TEDC2: variants seen among roughly 807,000 people sequenced by gnomAD.
The protein encoded by TEDC2 is tubulin epsilon and delta complex 2, also known as tubulin epsilon and delta complex protein 2.
Under a neutral mutation model 48.1 loss-of-function variants are expected in TEDC2, and 49 were observed. The ratio of observed to expected loss-of-function variants is 1.02; its 90% CI spans 0.81 to 1.29. TEDC2 has a LOEUF of 1.29. Among genes scored for constraint, TEDC2 ranks in the 50% most tolerant of loss-of-function variants. The pLI is 0.00. For missense variants in TEDC2, 631 were observed against 571.4 expected (o/e 1.10, Z -1.06); for synonymous variants, 299 against 247.1 (o/e 1.21, Z -1.97).
In TEDC2 at chr16:2,461,860, C is replaced by T. The variant is rs368910186; in HGVS notation, c.659+60C>T. ...GGAGAACCGGGAGGCATCACCAGCT[C>T]GGGGACAGGTTCGAGATACTTTCCA... On this transcript the variant is annotated intron_variant, in intron 5 of 9. Coordinates refer to ENST00000361837, the MANE Select transcript of TEDC2 (RefSeq NM_025108.3). The T allele has an allele frequency of 4.9e-4, 779 of 1,587,906 alleles. 2 individuals carry two copies. Among genetic ancestry groups the T allele is most frequent in the Non-Finnish European group, 6.1e-4 (709 of 1,157,186 alleles).
Position 2,460,609 on chromosome 16 carries a change from C to T in TEDC2, c.126-14C>T. 1 of 1,612,622 alleles carries T rather than the reference C, an allele frequency of 6.2e-7. No homozygotes were observed. Among genetic ancestry groups the T allele is most frequent in the South Asian group, 1.1e-5 (1 of 91,052 alleles). On this transcript the variant is annotated splice_polypyrimidine_tract_variant and intron_variant, in intron 2 of 9. Coordinates refer to ENST00000361837, the MANE Select transcript of TEDC2 (RefSeq NM_025108.3). ...TGCCTCCTGGCCGTGCGACGGCTGCCCGTGTCTTTGCAGGGAACCAACTGG... is the reference window on the plus strand; with the variant it reads ...TGCCTCCTGGCCGTGCGACGGCTGCTCGTGTCTTTGCAGGGAACCAACTGG...
chr16:2,461,610 AG>A, intron 4 of TEDC2, 136 bp from the exon 5 acceptor site: 2 of 1,040,160 alleles, frequency 1.9e-6, no homozygotes, highest in East Asian at 2.5e-5. Context: ...GCCCTATCCA[AG>A]GGGGCTCATC....
chr16:2,463,855 A>G (rs1162884326), intron 8 of TEDC2, 184 bp from the exon 9 acceptor site: 2 of 630,192 alleles, frequency 3.2e-6, no homozygotes, highest in Admixed American at 3.1e-5. Context: ...GCCACCCCAC[A>G]GAGGACTCCC....
Position 2,464,846 on chromosome 16 carries a change from C to T in TEDC2, c.*178C>T. 1 of 881,732 alleles carries T rather than the reference C, an allele frequency of 1.1e-6. No homozygotes were observed. The highest frequency in any genetic ancestry group is 1.8e-5 in the South Asian group (1 of 56,608). The allele number at this position is 881,732 out of a possible 1,614,324, so 54.6% of individuals were successfully genotyped here. A position where few individuals can be genotyped will look rare whatever the true frequency, so the allele number is the denominator to read the frequency against. On this transcript the variant is annotated 3_prime_UTR_variant, in exon 10 of 10. Coordinates refer to ENST00000361837, the MANE Select transcript of TEDC2 (RefSeq NM_025108.3). Reference sequence around the variant, plus strand: ...CCTGCTGGTCAGGGCTGGCTTTCAGCCTTCCTAAGGCTCCTGGACTCCAGA... The same window carrying T: ...CCTGCTGGTCAGGGCTGGCTTTCAGTCTTCCTAAGGCTCCTGGACTCCAGA...
rs1182164957 is a variant in TEDC2, at chr16:2,460,131, A to T, written c.-14A>T. On this transcript the variant is annotated 5_prime_UTR_variant, in exon 1 of 10. Transcript: ENST00000361837. ...TTCAGAGGCGGCAAATTGCAAGGAG[A>T]CGCCGCCGCCTTCATGCTGCCGGCG... The T allele has an allele frequency of 7.7e-7, 1 of 1,306,160 alleles. No homozygotes were observed. The highest frequency in any genetic ancestry group is 4.3e-5 in the Admixed American group (1 of 23,072). 80.9% of individuals were successfully genotyped at this position (1,306,160 alleles called of 1,614,324 possible). A position where few individuals can be genotyped will look rare whatever the true frequency, so the allele number is the denominator to read the frequency against.
chr16:2,460,356 G>C lies in TEDC2; in HGVS notation c.100G>C (p.Val34Leu). 1.3e-6 allele frequency: 2 copies of C among 1,544,368 alleles called. No homozygotes were observed. Among genetic ancestry groups the C allele is most frequent in the Non-Finnish European group, 1.7e-6 (2 of 1,146,198 alleles). ...RQLQLEQSLR[V>L]CRRLLHAWEP... is the part of the protein sequence containing the mutation. ...ATTGCAATTGGAGCAGAGCCTGCGC[G>C]TTTGCCGTCGGCTGCTGCATGCCTG... The change falls in exon 2 of 10, where the codon GTT becomes CTT. Residue 34 changes from valine (V) to leucine (L), a missense_variant. By Grantham distance (32) the Val-to-Leu change is conservative. Coordinates refer to ENST00000361837, the MANE Select transcript of TEDC2 (RefSeq NM_025108.3).
At position 2,460,696 on chromosome 16, in the gene TEDC2, A is replaced by T; in HGVS notation, c.196+3A>T. On this transcript the variant is annotated splice_donor_region_variant and intron_variant, in intron 3 of 9. Coordinates refer to ENST00000361837, the MANE Select transcript of TEDC2 (RefSeq NM_025108.3). ...TAATGGAGAGGACCCCCTTCCAGGT[A>T]AACCTCCACCACCCGCCTTCTCCAG... is the stretch of plus-strand genomic sequence containing the variant. 6.2e-7 allele frequency: 1 copy of T among 1,613,068 alleles called. No individual in the cohort carries two copies. Among genetic ancestry groups the T allele is most frequent in the South Asian group, 1.1e-5 (1 of 91,088 alleles).
At chr16:2,463,960 G>T in intron 8 of TEDC2, 79 bp from the exon 9 acceptor site, 2 of 1,458,882 alleles carry the variant, frequency 1.4e-6, no homozygotes, top group South Asian at 1.3e-5. Flanking sequence ...GTGCAGATGC[G>T]GGAGGGCCAG....
rs774756619 is a variant in TEDC2, at chr16:2,464,270, C to T, written c.1155+41C>T. 4 of 1,591,900 alleles carry T rather than the reference C, an allele frequency of 2.5e-6. No individual in the cohort carries two copies. In the South Asian group the frequency reaches 3.4e-5, roughly 13 times the overall value. On this transcript the variant is annotated intron_variant, in intron 9 of 9. Transcript: ENST00000361837. ...GAGGTGGGGGTGCAACAGAGGTCCG[C>T]AGCCTTGAGGACCCGAGGGTAGGGG...
rs1567397030 is a variant in TEDC2, at chr16:2,464,641, C to T, written c.1275C>T (p.Thr425=). 6.2e-7 allele frequency: 1 copy of T among 1,612,904 alleles called. No individual in the cohort carries two copies. Among genetic ancestry groups the T allele is most frequent in the Non-Finnish European group, 8.5e-7 (1 of 1,179,996 alleles). The change falls in exon 10 of 10, where the codon ACC becomes ACT. Residue 425 remains threonine (T), a synonymous_variant. Transcript: ENST00000361837. The part of the protein sequence containing the change: ...LLCEGGARVL[T]ILRDEPAV ...GCGAGGGAGGAGCACGTGTCCTTAC[C>T]ATCCTGCGGGATGAACCTGCAGTCT...
chr16:2,463,320 CAGAAAA>C (rs1393178553), intron 8 of TEDC2, among the ~76,000 whole-genome samples: 1 of 147,236 alleles, frequency 6.8e-6, no homozygotes, highest in Admixed American at 6.8e-5. Flanking sequence ...GATGCCGTCT[CAGAAAA>C]AGAAAAAGTA....
rs562733337 is a variant in TEDC2 at position 2,461,644 on chromosome 16, G to A, written c.606-103G>A. On this transcript the variant is annotated intron_variant, in intron 4 of 9. Coordinates refer to ENST00000361837, the MANE Select transcript of TEDC2 (RefSeq NM_025108.3). ...ATCCTTGGTGGGGTCGGGTGTGGGAGAGGGGCAAGAAGCCTCATCCCTGAT... is the reference window on the plus strand; with the variant it reads ...ATCCTTGGTGGGGTCGGGTGTGGGAAAGGGGCAAGAAGCCTCATCCCTGAT... The A allele has an allele frequency of 3.5e-6, 5 of 1,415,180 alleles. No individual in the cohort carries two copies. In the East Asian group the frequency reaches 6.9e-5, roughly 20 times the overall value. 87.7% of individuals were successfully genotyped at this position (1,415,180 alleles called of 1,614,324 possible).
rs746988943 is a variant in TEDC2 at position 2,464,200 on chromosome 16, G to C, written c.1126G>C (p.Val376Leu). ...GGCGGCCCTCAAGCTGCGAGTGGCTGTGCTGGACCAGCAGATCCACTTGGA... is the reference window on the plus strand; with the variant it reads ...GGCGGCCCTCAAGCTGCGAGTGGCTCTGCTGGACCAGCAGATCCACTTGGA... ...TLAALKLRVA[V>L]LDQQIHLEKV... Residue 376 changes from valine (V) to leucine (L), a missense_variant, in exon 9 of 10, where the codon GTG becomes CTG. Val to Leu is a conservative substitution (Grantham distance 32). Coordinates refer to ENST00000361837, the MANE Select transcript of TEDC2 (RefSeq NM_025108.3). 3.0e-5 allele frequency: 48 copies of C among 1,612,130 alleles called. No individual in the cohort carries two copies. The highest frequency in any genetic ancestry group is 4.1e-5 in the Non-Finnish European group (48 of 1,179,710).
intron 6 of TEDC2, 68 bp downstream of exon 6, chr16:2,462,307 G>A: frequency 6.2e-7 from 1 of 1,603,154 alleles, no homozygotes; most frequent in Non-Finnish European, 8.5e-7. Context: ...TTGCAGAGCA[G>A]CCCCAGGAGG....
chr16:2,460,599 C>T, intron 2 of TEDC2, 24 bp from the exon 3 acceptor site: 1 of 1,611,924 alleles, frequency 6.2e-7, no homozygotes, highest in African/African-American at 1.3e-5. Flanking sequence ...CCTGGCCGTG[C>T]GACGGCTGCC....
At chr16:2,460,754 T>C in intron 3 of TEDC2, 61 bp downstream of exon 3, 11 of 1,612,036 alleles carry the variant, frequency 6.8e-6, no homozygotes, top group Non-Finnish European at 9.3e-6. Flanking sequence ...GGCGTGCAGT[T>C]GTGAGGAACC....
rs192195855 is a variant in TEDC2, at chr16:2,461,798, G to A, written c.657G>A (p.Ser219=). The A allele has an allele frequency of 3.0e-5, 49 of 1,613,502 alleles. No individual in the cohort carries two copies. Among genetic ancestry groups the A allele is most frequent in the African/African-American group, 6.7e-5 (5 of 75,066 alleles). ...TCAGGAAAGCAGCTTCCCAGAACTC[G>A]AGGTGAGGCTGAGGTCTTTGGCTGG... ...AAFRKAASQN[S]SLWAQLSSTQ... The change falls in exon 5 of 10, where the codon TCG becomes TCA. Residue 219 remains serine, a splice_region_variant and synonymous_variant. Transcript: ENST00000361837.
rs1279556194 is a variant in TEDC2 at position 2,462,701 on chromosome 16, G to A, written c.933G>A (p.Gln311=). The A allele has an allele frequency of 6.5e-7, 1 of 1,544,874 alleles. No homozygotes were observed. Among genetic ancestry groups the A allele is most frequent in the Non-Finnish European group, 8.7e-7 (1 of 1,146,836 alleles). The change falls in exon 8 of 10, where the codon CAG becomes CAA. Residue 311 remains glutamine (Q), a synonymous_variant. Transcript: ENST00000361837. ...TLEGLQAMVG[Q]CLHRLQELRA... ...AGGGGCTGCAGGCCATGGTGGGCCAGTGTCTGCACAGGCTGCAGGAGCTGC... is the reference window on the plus strand; with the variant it reads ...AGGGGCTGCAGGCCATGGTGGGCCAATGTCTGCACAGGCTGCAGGAGCTGC...
intron 9 of TEDC2, 76 bp downstream of exon 9, chr16:2,464,305 T>C (rs2065486478): frequency 2.0e-6 from 3 of 1,522,334 alleles, no homozygotes; most frequent in East Asian, 2.4e-5. Flanking sequence ...GCTTGACTGC[T>C]CCACCCCCCA....
Sources: allele counts gnomAD v4.1 joint callset (sites outside exome capture counted in the v4.1 genomes callset), GRCh38; gene constraint gnomAD v4.1.1; transcripts MANE v1.5; gene names NCBI Gene and HGNC (gene_info 2026-07-23, HGNC 2026-07-21).